Variants in TRAPPC11 observed in about 807,000 individuals in gnomAD.
TRAPPC11 encodes the protein foie gras homolog.
Under a neutral mutation model 151.2 loss-of-function variants are expected in TRAPPC11, and 104 were observed. The observed-to-expected ratio is 0.69, with a 90% CI of 0.59 to 0.81. TRAPPC11 has a LOEUF of 0.81. Ranked by LOEUF, TRAPPC11 falls within the 30% of genes least tolerant of loss-of-function variation. The pLI, the probability that TRAPPC11 is intolerant of heterozygous loss-of-function variation, is 0.00. For missense variants in TRAPPC11, 1,230 were observed against 1,349.6 expected, an observed-to-expected ratio of 0.91 and a Z score of 1.39; for synonymous variants, 456 against 472.3, an observed-to-expected ratio of 0.97 and a Z score of 0.45.
At chr4:183,676,290 C>A (rs1183513647) in intron 7 of TRAPPC11, among the ~76,000 whole-genome samples, 1 of 152,196 alleles carries the variant, frequency 6.6e-6, no homozygotes, top group South Asian at 2.1e-4. Context: ...GCTGGGACTA[C>A]AGGTGCCTGC....
chr4:183,702,555 A>C (rs1367830901), intron 26 of TRAPPC11, among the ~76,000 whole-genome samples: 1 of 152,220 alleles, frequency 6.6e-6, no homozygotes, highest in Non-Finnish European at 1.5e-5. Context: ...GAATATGAAT[A>C]AATTGCATTT....
At chr4:183,694,532 A>T in intron 22 of TRAPPC11, 72 bp from the exon 23 acceptor site, 1 of 1,457,130 alleles carries the variant, frequency 6.9e-7, no homozygotes, top group Non-Finnish European at 9.4e-7. Flanking sequence ...AGGTGGGAAC[A>T]TTATCCTAGA....
chr4:183,701,859 T>C (rs772664589), intron 26 of TRAPPC11, 51 bp downstream of exon 26: 4 of 1,161,208 alleles, frequency 3.4e-6, no homozygotes, highest in Non-Finnish European at 5.2e-6. Context: ...GTTATTCTCA[T>C]ACCTTTATTA....
chr4:183,674,051 A>T (rs1349812531), intron 5 of TRAPPC11, among the ~76,000 whole-genome samples: 1 of 152,160 alleles, frequency 6.6e-6, no homozygotes, highest in Non-Finnish European at 1.5e-5. Flanking sequence ...TTGATTAATA[A>T]TTTTTTTCAG....
chr4:183,709,875 G>A (rs1444207530), intron 29 of TRAPPC11, among the ~76,000 whole-genome samples: 3 of 152,154 alleles, frequency 2.0e-5, no homozygotes, highest in African/African-American at 7.2e-5. Context: ...TCAGTCTAAA[G>A]ACATTTCCAT....
At chr4:183,676,028 A>G (rs747189382) in intron 7 of TRAPPC11, among the ~76,000 whole-genome samples, 4 of 152,214 alleles carry the variant, frequency 2.6e-5, no homozygotes, top group Non-Finnish European at 5.9e-5. Context: ...AAATAATTTT[A>G]TTATTCACAG....
intron 5 of TRAPPC11, among the ~76,000 whole-genome samples, chr4:183,673,277 G>A (rs577469162): frequency 2.9e-4 from 44 of 152,182 alleles, no homozygotes; most frequent in African/African-American, 9.9e-4. Flanking sequence ...AAATTTAAAG[G>A]ATAGCTTAGG....
intron 16 of TRAPPC11, 36 bp from the exon 17 acceptor site, chr4:183,685,235 A>C: frequency 6.2e-7 from 1 of 1,609,966 alleles, no homozygotes. Context: ...TTTTTATTCA[A>C]CTAGTTGAAT....
chr4:183,700,391 T>G (rs919129889), intron 25 of TRAPPC11, among the ~76,000 whole-genome samples: 2 of 152,230 alleles, frequency 1.3e-5, no homozygotes, highest in African/African-American at 4.8e-5. Flanking sequence ...ACAACCATCT[T>G]CATTAGAAAA....
At chr4:183,705,242 G>C (rs112783997) in intron 27 of TRAPPC11, among the ~76,000 whole-genome samples, 172 bp downstream of exon 27, 40 of 152,040 alleles carry the variant, frequency 2.6e-4, no homozygotes, top group African/African-American at 9.4e-4. Context: ...TCCTACCCCT[G>C]TTATTTTGGA....
intron 18 of TRAPPC11, 30 bp from the exon 19 acceptor site, chr4:183,691,286 C>T (rs752763157): frequency 7.0e-7 from 1 of 1,434,968 alleles, no homozygotes; most frequent in Non-Finnish European, 9.3e-7. Flanking sequence ...AGACATCTGA[C>T]ATTTGATGAC....
At chr4:183,663,804 T>A (rs1734692294) in intron 1 of TRAPPC11, 43 bp from the exon 2 acceptor site, 1 of 1,310,016 alleles carries the variant, frequency 7.6e-7, no homozygotes, top group Non-Finnish European at 1.1e-6. Flanking sequence ...TGAATATGAG[T>A]TTTTAAAAAT....
At chr4:183,671,858 T>G (rs1735172726) in intron 5 of TRAPPC11, among the ~76,000 whole-genome samples, 1 of 152,222 alleles carries the variant, frequency 6.6e-6, no homozygotes, top group South Asian at 2.1e-4. Context: ...AGAGTAAATA[T>G]ACATGTGTTC....
rs150527768 is a variant in TRAPPC11 at position 183,674,850 on chromosome 4, C to A, written c.660+38C>A. 4 of 1,213,690 alleles carry A rather than the reference C, an allele frequency of 3.3e-6. No homozygotes were observed. In the African/African-American group the frequency reaches 4.7e-5, roughly 14 times the overall value. The allele number at this position is 1,213,690 out of a possible 1,614,324, so 75.2% of individuals were successfully genotyped here. A position where few individuals can be genotyped will look rare whatever the true frequency, so the allele number is the denominator to read the frequency against. On this transcript the variant is annotated intron_variant, in intron 6 of 29. Transcript: ENST00000334690. ...TTGCAATAATAGAAGCATTCTGGAG[C>A]GGATTATTATTATTTTTGAGGTGAT...
At chr4:183,686,068 C>T (rs1735949826) in intron 17 of TRAPPC11, among the ~76,000 whole-genome samples, 1 of 152,124 alleles carries the variant, frequency 6.6e-6, no homozygotes, top group African/African-American at 2.4e-5. Context: ...GAACTTCTGA[C>T]CTTAGGTGAT....
chr4:183,663,994 A>C lies in TRAPPC11; in HGVS notation c.127A>C (p.Asn43His), dbSNP rs897403266. The change falls in exon 2 of 30, where the codon AAT (asparagine) becomes CAT (histidine). Residue 43 changes from asparagine to histidine, a missense_variant. Asn to His is a moderately conservative substitution (Grantham distance 68, BLOSUM62 1). Coordinates refer to ENST00000334690, the MANE Select transcript of TRAPPC11 (RefSeq NM_021942.6). ...HRAVWDAFCA[N>H]RRADRVPISF... is the part of the protein sequence containing the mutation. ...AGCTGTCTGGGACGCCTTCTGTGCA[A>C]ATCGGAGAGCTGATCGAGTACCAAT... The C allele has an allele frequency of 6.2e-7, 1 of 1,614,010 alleles. No individual in the cohort carries two copies. The highest frequency in any genetic ancestry group is 8.5e-7 in the Non-Finnish European group (1 of 1,180,004).
rs764114529 is a variant in TRAPPC11 at position 183,697,546 on chromosome 4, C to G, written c.2672C>G (p.Ala891Gly). ...TIETVFPFDVAVKFVSTKFEH... is the reference protein window; with the variant it reads ...TIETVFPFDVGVKFVSTKFEH... ...GAAACAGTCTTTCCATTTGATGTTG[C>G]GGTTAAATTTGTTTCTACCAAGGTA... Residue 891 changes from alanine (A) to glycine (G), a missense_variant, in exon 24 of 30, where the codon GCG becomes GGG. Physicochemically the swap from Ala to Gly is moderately conservative, Grantham distance 60 (BLOSUM62 0). Coordinates refer to ENST00000334690, the MANE Select transcript of TRAPPC11 (RefSeq NM_021942.6). 2.5e-6 allele frequency: 4 copies of G among 1,603,202 alleles called. No individual in the cohort carries two copies. The South Asian group carries it at 3.4e-5, about 14-fold the overall frequency.
intron 7 of TRAPPC11, among the ~76,000 whole-genome samples, chr4:183,676,500 C>G (rs936201716): frequency 2.0e-5 from 3 of 152,146 alleles, no homozygotes. Flanking sequence ...AATTTCAGTT[C>G]TGTTCAAAAA....
In TRAPPC11 at chr4:183,691,421, C is replaced by T. The variant is rs185988689; in HGVS notation, c.1999C>T (p.Leu667=). The T allele has an allele frequency of 5.2e-6, 8 of 1,535,456 alleles. No individual in the cohort carries two copies. In the African/African-American group the frequency reaches 6.7e-5, roughly 13 times the overall value. The change falls in exon 19 of 30, where the codon CTG becomes TTG. Residue 667 remains leucine, a synonymous_variant. Coordinates refer to ENST00000334690, the MANE Select transcript of TRAPPC11 (RefSeq NM_021942.6). ...MCLVPGKTRK[L]LFKFVAKTED... ...CCTAGTTCCTGGCAAAACAAGAAAA[C>T]TGTTATTTAAGTTTGTTGCAAAAAC...
Sources: allele counts gnomAD v4.1 joint callset (sites outside exome capture counted in the v4.1 genomes callset), GRCh38; gene constraint gnomAD v4.1.1; transcripts MANE v1.5; gene names NCBI Gene and HGNC (gene_info 2026-07-23, HGNC 2026-07-21).